Variants in PIP5K1C observed in about 807,000 individuals in gnomAD.
PIP5K1C encodes the protein phosphatidylinositol 4-phosphate 5-kinase type-1 gamma.
In PIP5K1C, 45 loss-of-function variants were observed where a neutral mutation model predicts 80.1. The ratio of observed to expected loss-of-function variants is 0.56; its 90% CI spans 0.44 to 0.72. PIP5K1C has a LOEUF of 0.72. Ranked by LOEUF, PIP5K1C falls within the 30% of genes least tolerant of loss-of-function variation. PIP5K1C has a pLI of 0.00. For missense variants in PIP5K1C, 753 were observed against 954.6 expected (o/e 0.79, Z 2.78); for synonymous variants, 498 against 420.1 (o/e 1.19, Z -2.27).
chr19:3,686,896 A>T (rs1337429407), intron 1 of PIP5K1C, among the ~76,000 whole-genome samples: 1 of 151,854 alleles, frequency 6.6e-6, no homozygotes, highest in Non-Finnish European at 1.5e-5. Flanking sequence ...GCAAGCAAAG[A>T]AAAAAACAGA....
At chr19:3,661,161 T>A in intron 4 of PIP5K1C, 78 bp from the exon 5 acceptor site, 1 of 959,414 alleles carries the variant, frequency 1.0e-6, no homozygotes, top group South Asian at 1.3e-5. Context: ...TCCCTCCTAG[T>A]GCCTCTAGCA....
intron 1 of PIP5K1C, among the ~76,000 whole-genome samples, chr19:3,670,791 G>T (rs1194195520): frequency 6.6e-6 from 1 of 152,228 alleles, no homozygotes; most frequent in Non-Finnish European, 1.5e-5. Flanking sequence ...GGATCTGGGG[G>T]ACAGACCCAT....
At position 3,648,534 on chromosome 19, in the gene PIP5K1C, G is replaced by A. The variant is rs1466156913; in HGVS notation, c.1211+91C>T. ...CACCTGTGGGGCTGCAGACCCGGGC[G>A]CCCACCTGTGGGGCTGCAGACCCGG... On this transcript the variant is annotated intron_variant, in intron 9 of 17. Coordinates refer to ENST00000335312, the MANE Select transcript of PIP5K1C (RefSeq NM_012398.3). The surrounding 1 kb of genome is among the most constrained non-coding windows in gnomAD (Gnocchi z 4.3). The A allele has an allele frequency of 4.0e-5, 39 of 963,120 alleles. No homozygotes were observed. The highest frequency in any genetic ancestry group is 3.0e-4 in the Middle Eastern group (1 of 3,338). 59.7% of individuals were successfully genotyped at this position (963,120 alleles called of 1,614,324 possible). A position where few individuals can be genotyped will look rare whatever the true frequency, so the allele number is the denominator to read the frequency against.
intron 1 of PIP5K1C, among the ~76,000 whole-genome samples, chr19:3,695,922 G>A (rs542882665): frequency 2.9e-4 from 44 of 152,132 alleles, no homozygotes; most frequent in African/African-American, 9.9e-4. Context: ...AGAGACAGGG[G>A]TCTTGCTATG....
Position 3,643,399 on chromosome 19 carries a change from T to C in PIP5K1C, c.1511-18A>G. ...GGGCCGGCCTGAGGGGAGAGGACTG[T>C]GGGCACCTTGCGGAGCCTCCGAGCC... On this transcript the variant is annotated intron_variant, in intron 12 of 17. Coordinates refer to ENST00000335312, the MANE Select transcript of PIP5K1C (RefSeq NM_012398.3). 1 of 1,612,798 alleles carries C rather than the reference T, an allele frequency of 6.2e-7. No homozygotes were observed. The highest frequency in any genetic ancestry group is 8.5e-7 in the Non-Finnish European group (1 of 1,179,830).
At position 3,662,059 on chromosome 19, in the gene PIP5K1C, C is replaced by A. The variant is rs188261303; in HGVS notation, c.220-58G>T. On this transcript the variant is annotated intron_variant, in intron 3 of 17. Transcript: ENST00000335312. The stretch of plus-strand genomic sequence containing the variant: ...CTGCTCCCCACGCTGCCCTGCACCC[C>A]CTGTGTGCACCGGGGGGTGGAGATC... 2.0e-5 allele frequency: 30 copies of A among 1,531,344 alleles called. 1 individual carries two copies. The highest frequency in any genetic ancestry group is 2.0e-4 in the Middle Eastern group (1 of 5,026). 94.9% of individuals were successfully genotyped at this position (1,531,344 alleles called of 1,614,324 possible).
rs1454291028 is a variant in PIP5K1C, at chr19:3,670,293, T to G, written c.95-2940A>C. On this transcript the variant is annotated intron_variant, in intron 1 of 17. Transcript: ENST00000335312. ...CCTGCAACCGTATTTGGAAAGAGAG[T>G]CTTTGCTGATGTCATTGGGTAAGAT... Among the ~76,000 whole-genome samples the G allele has an allele frequency of 2.0e-5, 3 of 151,822 alleles. No homozygotes were observed. In the East Asian group the frequency reaches 5.8e-4, roughly 29 times the overall value.
chr19:3,671,207 C>G (rs913771663), intron 1 of PIP5K1C, among the ~76,000 whole-genome samples: 3 of 151,602 alleles, frequency 2.0e-5, no homozygotes, highest in Non-Finnish European at 4.4e-5. Flanking sequence ...CCCTCTGGGG[C>G]CCCCCCACAC....
chr19:3,639,005 G>C lies in PIP5K1C; in HGVS notation c.1799C>G (p.Ser600Cys). 6.2e-7 allele frequency: 1 copy of C among 1,611,086 alleles called. No homozygotes were observed. Among genetic ancestry groups the C allele is most frequent in the Non-Finnish European group, 8.5e-7 (1 of 1,179,912 alleles). The change falls in exon 16 of 18, where the codon TCC becomes TGC. Residue 600 changes from serine (S) to cysteine (C), a missense_variant. By Grantham distance (112) the Ser-to-Cys change is moderately radical (BLOSUM62 -1). Transcript: ENST00000335312. ...AACAGCAGCAGAGGCACCGGCCGGG[G>C]AAGCCTCCACCCTGGGGACAGGAGT... Reference protein sequence around the residue: ...PKEEDAGVEASPAGASAAVEV... With the variant: ...PKEEDAGVEACPAGASAAVEV...
At chr19:3,676,343 G>C (rs923850474) in intron 1 of PIP5K1C, among the ~76,000 whole-genome samples, 13 of 152,188 alleles carry the variant, frequency 8.5e-5, no homozygotes, top group Admixed American at 7.9e-4. Flanking sequence ...CGCGGTCCCC[G>C]GCACCCACCA....
chr19:3,643,618 G>A (rs566475575), intron 12 of PIP5K1C, among the ~76,000 whole-genome samples: 3 of 151,542 alleles, frequency 2.0e-5, no homozygotes, highest in South Asian at 2.1e-4. Flanking sequence ...GCCTGGCCCC[G>A]TCCCCTCTCC....
intron 1 of PIP5K1C, chr19:3,668,406 G>A (rs1476907772): frequency 6.6e-6 from 1 of 152,374 alleles, no homozygotes; most frequent in South Asian, 2.1e-4. Context: ...GCGAGAGGGT[G>A]AGTCAGACAG....
intron 2 of PIP5K1C, among the ~76,000 whole-genome samples, chr19:3,666,726 C>T (rs1466040407): frequency 1.3e-5 from 2 of 151,422 alleles, no homozygotes; most frequent in African/African-American, 4.9e-5. Flanking sequence ...GATGCACACA[C>T]GCACGCAGGC....
chr19:3,670,969 G>A (rs1421861785), intron 1 of PIP5K1C, among the ~76,000 whole-genome samples: 19 of 152,268 alleles, frequency 1.2e-4, no homozygotes, highest in Non-Finnish European at 8.8e-5. Context: ...GGGCCGCGGC[G>A]GGGCGGAAGG....
Position 3,632,049 on chromosome 19 carries a change from C to T in PIP5K1C, c.*1118G>A, listed in dbSNP as rs1440307889. On this transcript the variant is annotated 3_prime_UTR_variant, in exon 18 of 18. Coordinates refer to ENST00000335312, the MANE Select transcript of PIP5K1C (RefSeq NM_012398.3). Reference sequence around the variant, plus strand: ...GCGGGCCCAGGAAGCTGCCCCAGGGCAGTCTGGGCTGAGTCCCACCACTGG... The same window carrying T: ...GCGGGCCCAGGAAGCTGCCCCAGGGTAGTCTGGGCTGAGTCCCACCACTGG... 6.6e-6 allele frequency: 1 copy of T among 152,282 alleles called. No individual in the cohort carries two copies. Among genetic ancestry groups the T allele is most frequent in the African/African-American group, 2.4e-5 (1 of 41,472 alleles). 9.4% of individuals were successfully genotyped at this position (152,282 alleles called of 1,614,324 possible).
At chr19:3,694,384 G>A (rs12462765) in intron 1 of PIP5K1C, among the ~76,000 whole-genome samples, 17,989 of 151,932 alleles carry the variant, frequency 0.12, 1,520 homozygotes, top group Admixed American at 0.25. Context: ...ACCCCACATC[G>A]GCACACACCT....
chr19:3,694,208 T>C (rs1174109696), intron 1 of PIP5K1C, among the ~76,000 whole-genome samples: 1 of 133,184 alleles, frequency 7.5e-6, no homozygotes, highest in Non-Finnish European at 1.6e-5. Flanking sequence ...CGAGACTCCA[T>C]CTCAAAAAAA....
At position 3,637,699 on chromosome 19, in the gene PIP5K1C, G is replaced by A; in HGVS notation, c.1920+1185C>T. On this transcript the variant is annotated intron_variant, in intron 16 of 17. Coordinates refer to ENST00000335312, the MANE Select transcript of PIP5K1C (RefSeq NM_012398.3). The surrounding 1 kb of genome is among the most constrained non-coding windows in gnomAD (Gnocchi z 7.0). ...CGGCCACCCCCGTGGTCGGGTGGGA[G>A]AGGCGGAGGGAGGTGGCGGGGAGCA... is the stretch of plus-strand genomic sequence containing the variant. 1 of 1,507,634 alleles carries A rather than the reference G, an allele frequency of 6.6e-7. No homozygotes were observed. Among genetic ancestry groups the A allele is most frequent in the Non-Finnish European group, 8.8e-7 (1 of 1,132,146 alleles). The allele number at this position is 1,507,634 out of a possible 1,614,324, so 93.4% of individuals were successfully genotyped here. A position where few individuals can be genotyped will look rare whatever the true frequency, so the allele number is the denominator to read the frequency against.
intron 4 of PIP5K1C, 76 bp from the exon 5 acceptor site, chr19:3,661,159 A>G (rs2034821424): frequency 5.1e-6 from 5 of 973,552 alleles, no homozygotes; most frequent in African/African-American, 1.6e-5. Flanking sequence ...GGTCCCTCCT[A>G]GTGCCTCTAG....
Sources: gnomAD v4.1 joint callset for allele counts (sites outside exome capture counted in the v4.1 genomes callset) on GRCh38, gnomAD v4.1.1 for gene constraint, Gnocchi (gnomAD v3.1) non-coding constraint, MANE v1.5 for transcripts, NCBI Gene and HGNC (gene_info 2026-07-23, HGNC 2026-07-21) for gene names.